Variants in ERN1 observed in about 807,000 individuals in gnomAD.
ERN1 encodes serine/threonine-protein kinase/endoribonuclease IRE1.
ERN1 carries 39 observed loss-of-function variants against 113.1 expected under a neutral mutation model. The ratio of observed to expected loss-of-function variants is 0.34; its 90% CI spans 0.27 to 0.45. The LOEUF is 0.45. Among genes scored for constraint, ERN1 ranks in the 20% least tolerant of loss-of-function variants. The pLI is 1.00. For synonymous variants in ERN1, 507 were observed against 515.9 expected (o/e 0.98, Z 0.23); for missense variants, 976 against 1,274.8 (o/e 0.77, Z 3.57).
chr17:64,110,450 CAGCCCAGTTCTAATGGTTTTAAAA>C, intron 1 of ERN1, among the ~76,000 whole-genome samples: 1 of 152,172 alleles, frequency 6.6e-6, no homozygotes, highest in Non-Finnish European at 1.5e-5. Context: ...ATCTCCTGAA[CAGCCCAGTTCTAATGGTTTTAAAA>C]AATGTCCTTT....
chr17:64,119,063 T>C (rs1017876267), intron 1 of ERN1, among the ~76,000 whole-genome samples: 6 of 152,276 alleles, frequency 3.9e-5, no homozygotes, highest in Middle Eastern at 6.8e-3. Flanking sequence ...ATTTTACCCA[T>C]CAGGATACTG....
At chr17:64,086,270 C>T (rs2143425683) in intron 2 of ERN1, among the ~76,000 whole-genome samples, 1 of 152,338 alleles carries the variant, frequency 6.6e-6, no homozygotes, top group Middle Eastern at 3.4e-3. Flanking sequence ...CACCCTAAAA[C>T]ATTTTTTCAC....
At chr17:64,060,637 T>C (rs763901836) in intron 10 of ERN1, 50 bp from the exon 11 acceptor site, 2 of 1,352,606 alleles carry the variant, frequency 1.5e-6, no homozygotes, top group Non-Finnish European at 2.1e-6. Flanking sequence ...CGAGCTGTGG[T>C]GGCACTCAAT....
chr17:64,115,500 G>A (rs374021765), intron 1 of ERN1, among the ~76,000 whole-genome samples: 5 of 152,152 alleles, frequency 3.3e-5, no homozygotes, highest in Non-Finnish European at 4.4e-5. Context: ...CGAACTTCCC[G>A]AAAGCTGACT....
Position 64,075,651 on chromosome 17 carries a change from T to A in ERN1, c.283-404A>T, listed in dbSNP as rs1598062004. Among the ~76,000 whole-genome samples the A allele has an allele frequency of 2.0e-5, 3 of 152,230 alleles. No individual in the cohort carries two copies. The East Asian group carries it at 5.8e-4, about 29-fold the overall frequency. ...CCCAGGTCCCTGAGCTCTGTAAACA[T>A]CCACTCCTTTACTTGACACCATGTG... On this transcript the variant is annotated intron_variant, in intron 4 of 21. Coordinates refer to ENST00000433197, the MANE Select transcript of ERN1 (RefSeq NM_001433.5).
chr17:64,067,547 G>A (rs1377587256), intron 7 of ERN1, among the ~76,000 whole-genome samples: 2 of 151,562 alleles, frequency 1.3e-5, no homozygotes, highest in East Asian at 3.9e-4. Context: ...GTTTCAGGCT[G>A]CAGTGAGCCC....
In ERN1 at chr17:64,047,911, C is replaced by T. The variant is rs758266847; in HGVS notation, c.2476G>A (p.Val826Met). ...DPQKRPSAKH[V>M]LKHPFFWSLE... ...CTCCAGAAGAACGGGTGTTTGAGCA[C>T]ATGCTTCGCTGAGGGGCGTTTCTGA... The change falls in exon 19 of 22, where the codon GTG becomes ATG. Residue 826 changes from valine to methionine, a missense_variant. Physicochemically the swap from Val to Met is conservative, Grantham distance 21. This residue lies in a region of ERN1 where 297 missense variants were observed against 457.8 expected (regional missense o/e 0.65). Transcript: ENST00000433197. The T allele has an allele frequency of 6.2e-6, 10 of 1,613,276 alleles. No homozygotes were observed. The highest frequency in any genetic ancestry group is 1.3e-5 in the African/African-American group (1 of 74,902).
chr17:64,065,766 C>T (rs1415368189), intron 8 of ERN1, among the ~76,000 whole-genome samples: 2 of 152,134 alleles, frequency 1.3e-5, no homozygotes, highest in East Asian at 1.9e-4. Flanking sequence ...AGCTGCTCTA[C>T]TCTGGATGCT....
chr17:64,075,256 AAAAAAAAAAAG>A lies in ERN1; in HGVS notation c.283-20_283-10del. The A allele has an allele frequency of 6.7e-7, 1 of 1,493,586 alleles. No homozygotes were observed. Among genetic ancestry groups the A allele is most frequent in the Non-Finnish European group, 8.9e-7 (1 of 1,128,758 alleles). The allele number at this position is 1,493,586 out of a possible 1,614,324, so 92.5% of individuals were successfully genotyped here. A position where few individuals can be genotyped will look rare whatever the true frequency, so the allele number is the denominator to read the frequency against. On this transcript the variant is annotated splice_polypyrimidine_tract_variant and intron_variant, in intron 4 of 21. Transcript: ENST00000433197. ...ATGGTAAAAGGAAGTTTCTTTAAAAAAAAAAAAAAAGAAAAAAAAAAGTTAACCAAGTCTTG... is the reference window on the plus strand; with the variant it reads ...ATGGTAAAAGGAAGTTTCTTTAAAAAAAAAAAAAAAGTTAACCAAGTCTTG...
intron 20 of ERN1, 26 bp downstream of exon 20, chr17:64,045,333 C>T (rs776988753): frequency 6.2e-7 from 1 of 1,613,254 alleles, no homozygotes; most frequent in East Asian, 2.2e-5. Context: ...TGCAACCTGC[C>T]CTCTCACACG....
chr17:64,075,348 A>G, intron 4 of ERN1, 101 bp from the exon 5 acceptor site: 1 of 1,019,226 alleles, frequency 9.8e-7, no homozygotes, highest in Non-Finnish European at 1.4e-6. Flanking sequence ...TTCTGCTAAA[A>G]AGAGAGAAGC....
chr17:64,091,767 C>T (rs569896341), intron 2 of ERN1, among the ~76,000 whole-genome samples: 22 of 150,048 alleles, frequency 1.5e-4, no homozygotes, highest in Admixed American at 1.2e-3. Flanking sequence ...GGAGTTGGGG[C>T]GGGGGGGCGG....
At chr17:64,058,215 T>C (rs1912941361) in intron 11 of ERN1, among the ~76,000 whole-genome samples, 1 of 152,250 alleles carries the variant, frequency 6.6e-6, no homozygotes, top group African/African-American at 2.4e-5. Context: ...GTTATCATTA[T>C]TCAAAAATAG....
At chr17:64,046,918 T>A (rs1228036293) in intron 19 of ERN1, among the ~76,000 whole-genome samples, 1 of 152,190 alleles carries the variant, frequency 6.6e-6, no homozygotes, top group East Asian at 1.9e-4. Context: ...TCTTCAAAAG[T>A]CACCTGACAT....
At chr17:64,067,542 A>G (rs911611958) in intron 7 of ERN1, among the ~76,000 whole-genome samples, 1 of 151,474 alleles carries the variant, frequency 6.6e-6, no homozygotes, top group Non-Finnish European at 1.5e-5. Context: ...TAGGAGTTTC[A>G]GGCTGCAGTG....
intron 11 of ERN1, 73 bp downstream of exon 11, chr17:64,060,396 G>C (rs1165934849): frequency 1.1e-6 from 1 of 923,906 alleles, no homozygotes; most frequent in Non-Finnish European, 1.8e-6. Flanking sequence ...TCAGAAGGCA[G>C]AGTCAAAGTC....
intron 4 of ERN1, among the ~76,000 whole-genome samples, chr17:64,075,597 C>A (rs1354136787): frequency 6.6e-6 from 1 of 152,144 alleles, no homozygotes; most frequent in Non-Finnish European, 1.5e-5. Context: ...CTACACCCAG[C>A]TAATTTTCCA....
At chr17:64,067,486 T>C (rs1265826729) in intron 7 of ERN1, among the ~76,000 whole-genome samples, 2 of 148,702 alleles carry the variant, frequency 1.3e-5, no homozygotes. Flanking sequence ...TACGTGCCTG[T>C]GGTCCCAGCT....
At chr17:64,080,233 C>A (rs1386895763) in intron 3 of ERN1, among the ~76,000 whole-genome samples, 1 of 152,192 alleles carries the variant, frequency 6.6e-6, no homozygotes, top group African/African-American at 2.4e-5. Flanking sequence ...TCAGAGAGAA[C>A]CCGCCAAGGG....
Sources: allele counts gnomAD v4.1 joint callset (sites outside exome capture counted in the v4.1 genomes callset), GRCh38; gene constraint gnomAD v4.1.1; regional missense constraint gnomAD v4.1.1; transcripts MANE v1.5; gene names NCBI Gene and HGNC (gene_info 2026-07-23, HGNC 2026-07-21).